Variants in ARID1B observed in about 807,000 individuals in gnomAD.
ARID1B encodes AT-rich interactive domain-containing protein 1B.
Under a neutral mutation model 212.3 loss-of-function variants are expected in ARID1B, and 30 were observed. That is an observed-to-expected ratio of 0.14 (90% CI 0.11 to 0.19). The LOEUF (loss-of-function observed/expected upper bound fraction) is 0.19, where lower values mean the gene tolerates loss of function less well. Among genes scored for constraint, ARID1B ranks in the 10% least tolerant of loss-of-function variants. The pLI is 1.00. For missense variants in ARID1B, 2,891 were observed against 3,204.0 expected, an observed-to-expected ratio of 0.90 and a Z score of 2.36; for synonymous variants, 1,402 against 1,301.7, an observed-to-expected ratio of 1.08 and a Z score of -1.66.
At chr6:156,944,916 T>C (rs980464347) in intron 4 of ARID1B, among the ~76,000 whole-genome samples, 3 of 150,142 alleles carry the variant, frequency 2.0e-5, no homozygotes, top group Non-Finnish European at 4.4e-5. Flanking sequence ...TCTTCTTCTT[T>C]TTCTTTTCCT....
At chr6:156,932,400 A>G (rs1010411934) in intron 3 of ARID1B, among the ~76,000 whole-genome samples, 1 of 152,238 alleles carries the variant, frequency 6.6e-6, no homozygotes, top group Non-Finnish European at 1.5e-5. Flanking sequence ...GCATTGCAGT[A>G]TTACCACAAT....
At chr6:156,826,375 A>G (rs1011918609) in intron 1 of ARID1B, among the ~76,000 whole-genome samples, 2 of 152,210 alleles carry the variant, frequency 1.3e-5, no homozygotes, top group South Asian at 4.1e-4. Context: ...TTGTCCCTTC[A>G]GGACATCTGC....
rs1202987056 is a variant in ARID1B, at chr6:156,777,847, C to A, written c.167C>A (p.Pro56His). The change falls in exon 1 of 20, where the codon CCC (proline) becomes CAC (histidine). Residue 56 changes from proline (P) to histidine (H), a missense_variant. Around this residue, in one of 7 missense-constraint regions of ARID1B, gnomAD observed 1,643 missense variants for 1,544.0 expected, o/e 1.06. Coordinates refer to ENST00000636930, the MANE Select transcript of ARID1B (RefSeq NM_001374828.1). ...GAAAAAAAPG[P>H]MLGGGGDGGG... is the part of the protein sequence containing the mutation. ...GCGGCGGCGGCGGCGGCACCGGGAC[C>A]CATGCTGGGGGGCGGCGGCGACGGC... 3.2e-6 allele frequency: 4 copies of A among 1,247,778 alleles called. 1 individual carries two copies. Among genetic ancestry groups the A allele is most frequent in the South Asian group, 5.7e-5 (2 of 35,362 alleles). 77.3% of individuals were successfully genotyped at this position (1,247,778 alleles called of 1,614,324 possible). A position where few individuals can be genotyped will look rare whatever the true frequency, so the allele number is the denominator to read the frequency against.
At chr6:157,007,535 C>T (rs563563640) in intron 4 of ARID1B, among the ~76,000 whole-genome samples, 4 of 152,118 alleles carry the variant, frequency 2.6e-5, no homozygotes, top group South Asian at 4.2e-4. Context: ...CAGATTTGCA[C>T]GTGCACACAT....
chr6:156,906,946 T>G (rs1268924598), intron 3 of ARID1B, among the ~76,000 whole-genome samples: 1 of 152,228 alleles, frequency 6.6e-6, no homozygotes, highest in East Asian at 1.9e-4. Context: ...TGTATACAAA[T>G]GTAACAGACT....
chr6:157,021,994 C>CA (rs1780328517), intron 4 of ARID1B, among the ~76,000 whole-genome samples: 1 of 152,226 alleles, frequency 6.6e-6, no homozygotes, highest in Admixed American at 6.5e-5. Context: ...TTCCCCCTCT[C>CA]AAAACCACCA....
At chr6:157,136,957 C>T (rs1583377351) in intron 7 of ARID1B, among the ~76,000 whole-genome samples, 1 of 152,194 alleles carries the variant, frequency 6.6e-6, no homozygotes, top group East Asian at 1.9e-4. Flanking sequence ...GCAGGCCGAT[C>T]GCTTGAGCCC....
At chr6:157,009,563 G>A (rs1583135909) in intron 4 of ARID1B, among the ~76,000 whole-genome samples, 1 of 152,078 alleles carries the variant, frequency 6.6e-6, no homozygotes, top group East Asian at 1.9e-4. Context: ...TTTATTGTAT[G>A]TTACTATATT....
intron 13 of ARID1B, chr6:157,185,737 C>G (rs1162842992): frequency 6.6e-6 from 1 of 152,222 alleles, no homozygotes; most frequent in East Asian, 1.9e-4. Context: ...ATGATTTCCT[C>G]TAGCTGCTGT....
At chr6:156,830,959 TGAA>T (rs1783102122) in intron 2 of ARID1B, among the ~76,000 whole-genome samples, 2 of 152,208 alleles carry the variant, frequency 1.3e-5, no homozygotes, top group African/African-American at 4.8e-5. Context: ...TCTCAATTAT[TGAA>T]GGTTACCCAC....
At chr6:156,976,709 C>T (rs1214707086) in intron 4 of ARID1B, 16 of 415,096 alleles carry the variant, frequency 3.9e-5, no homozygotes, top group African/African-American at 2.9e-4. Context: ...TCTCCTGGTC[C>T]GTGGACTCTT....
intron 6 of ARID1B, among the ~76,000 whole-genome samples, chr6:157,112,521 T>C (rs537320580): frequency 4.7e-4 from 71 of 152,360 alleles, no homozygotes; most frequent in African/African-American, 1.6e-3. Context: ...GGTACAGTTC[T>C]TTTTATTTTA....
chr6:156,799,609 T>C (rs1373343968), intron 1 of ARID1B, among the ~76,000 whole-genome samples: 2 of 152,206 alleles, frequency 1.3e-5, no homozygotes, highest in Non-Finnish European at 2.9e-5. Flanking sequence ...CCCTTGTAGC[T>C]GGGATTACAG....
intron 2 of ARID1B, among the ~76,000 whole-genome samples, chr6:156,889,837 T>C (rs2128185314): frequency 6.6e-6 from 1 of 152,314 alleles, no homozygotes; most frequent in African/African-American, 2.4e-5. Context: ...GGCTTTGGGC[T>C]GATATAATTG....
chr6:156,828,783 G>A (rs968584796), intron 1 of ARID1B, among the ~76,000 whole-genome samples: 1 of 152,200 alleles, frequency 6.6e-6, no homozygotes, highest in Admixed American at 6.5e-5. Flanking sequence ...ATCAAGACTT[G>A]CAGACTCAGT....
At position 157,184,168 on chromosome 6, in the gene ARID1B, G is replaced by T. The variant is rs1792786560; in HGVS notation, c.3715-63G>T. 4.1e-6 allele frequency: 6 copies of T among 1,468,140 alleles called. No individual in the cohort carries two copies. In the African/African-American group the frequency reaches 5.7e-5, roughly 14 times the overall value. 90.9% of individuals were successfully genotyped at this position (1,468,140 alleles called of 1,614,324 possible). A position where few individuals can be genotyped will look rare whatever the true frequency, so the allele number is the denominator to read the frequency against. On this transcript the variant is annotated intron_variant, in intron 12 of 19. Coordinates refer to ENST00000636930, the MANE Select transcript of ARID1B (RefSeq NM_001374828.1). The stretch of plus-strand genomic sequence containing the variant: ...AACCAAGACATTAAGTGCTTTTTTT[G>T]TCTCCTGGCTTTAAACAAGCCACTT...
At chr6:156,915,869 C>A (rs764483267) in intron 3 of ARID1B, among the ~76,000 whole-genome samples, 15 of 151,274 alleles carry the variant, frequency 9.9e-5, no homozygotes, top group Non-Finnish European at 2.2e-4. Context: ...GCACTCCAGT[C>A]TGGGTGGACA....
intron 3 of ARID1B, among the ~76,000 whole-genome samples, chr6:156,927,258 C>T (rs578065933): frequency 1.3e-5 from 2 of 152,120 alleles, no homozygotes; most frequent in Admixed American, 6.5e-5. Context: ...CATCTCCTCT[C>T]CTTCTCGTCC....
chr6:156,840,809 T>C (rs1185142482), intron 2 of ARID1B, among the ~76,000 whole-genome samples: 3 of 152,228 alleles, frequency 2.0e-5, no homozygotes, highest in African/African-American at 7.2e-5. Context: ...TCTGTGTTTC[T>C]TCCTCTCTGA....
Sources: gnomAD v4.1 joint callset for allele counts (sites outside exome capture counted in the v4.1 genomes callset) on GRCh38, gnomAD v4.1.1 for gene constraint, gnomAD v4.1.1 regional missense constraint, MANE v1.5 for transcripts, NCBI Gene and HGNC (gene_info 2026-07-23, HGNC 2026-07-21) for gene names.